CSMD3: variants seen among roughly 807,000 people sequenced by gnomAD.
The protein encoded by CSMD3 is CUB and sushi domain-containing protein 3.
Under a neutral mutation model 435.2 loss-of-function variants are expected in CSMD3, and 177 were observed. That is an observed-to-expected ratio of 0.41 (90% CI 0.36 to 0.46). CSMD3 has a LOEUF of 0.46. CSMD3 is among the 20% of genes least tolerant of loss of function. The pLI is 0.34. For missense variants in CSMD3, 4,265 were observed against 4,504.6 expected (o/e 0.95, Z 1.52); for synonymous variants, 1,656 against 1,520.5 (o/e 1.09, Z -2.07).
chr8:113,167,508 C>T (rs1426239033), intron 4 of CSMD3, among the ~76,000 whole-genome samples: 1 of 152,132 alleles, frequency 6.6e-6, no homozygotes, highest in Non-Finnish European at 1.5e-5. Context: ...ACTTTAGATA[C>T]TACTAAAACA....
intron 7 of CSMD3, among the ~76,000 whole-genome samples, chr8:112,959,028 A>G (rs1168060614): frequency 1.3e-5 from 2 of 152,242 alleles, no homozygotes; most frequent in African/African-American, 4.8e-5. Context: ...CCTGGCTTGA[A>G]GTTCCTCTAA....
chr8:112,268,947 G>C (rs913851928), intron 59 of CSMD3, among the ~76,000 whole-genome samples: 2 of 152,016 alleles, frequency 1.3e-5, no homozygotes, highest in African/African-American at 4.8e-5. Flanking sequence ...ACAATTCTTC[G>C]TTGTGAGGGG....
At chr8:113,317,959 T>A (rs966975939) in intron 1 of CSMD3, among the ~76,000 whole-genome samples, 4 of 152,206 alleles carry the variant, frequency 2.6e-5, no homozygotes, top group Middle Eastern at 6.3e-3. Flanking sequence ...GCCTATAGTA[T>A]AATTTATTTT....
intron 70 of CSMD3, 30 bp downstream of exon 70, chr8:112,228,726 C>T (rs570677446): frequency 1.3e-6 from 2 of 1,586,976 alleles, no homozygotes; most frequent in Admixed American, 1.7e-5. Flanking sequence ...ATTTGGGAAA[C>T]ATTTTGTAGT....
At chr8:112,864,900 A>T (rs930449408) in intron 10 of CSMD3, among the ~76,000 whole-genome samples, 1 of 152,172 alleles carries the variant, frequency 6.6e-6, no homozygotes, top group African/African-American at 2.4e-5. Flanking sequence ...GATATTTTAT[A>T]AAATATTTTG....
At chr8:113,419,413 CG>C (rs1251027794) in intron 1 of CSMD3, among the ~76,000 whole-genome samples, 4 of 151,912 alleles carry the variant, frequency 2.6e-5, no homozygotes, top group Non-Finnish European at 5.9e-5. Context: ...CCACTGTGCC[CG>C]GCCTACACTT....
At chr8:112,531,694 G>A (rs1012623018) in intron 27 of CSMD3, among the ~76,000 whole-genome samples, 7 of 152,018 alleles carry the variant, frequency 4.6e-5, no homozygotes, top group African/African-American at 7.2e-5. Flanking sequence ...TACAAGCTTG[G>A]GGAACTCAAT....
At chr8:113,199,211 A>G (rs918912213) in intron 3 of CSMD3, among the ~76,000 whole-genome samples, 2 of 151,420 alleles carry the variant, frequency 1.3e-5, no homozygotes, top group African/African-American at 2.4e-5. Context: ...AATGACTAAA[A>G]GACAGGAACT....
At chr8:112,270,396 G>A in intron 59 of CSMD3, among the ~76,000 whole-genome samples, 1 of 126,244 alleles carries the variant, frequency 7.9e-6, no homozygotes, top group African/African-American at 3.1e-5. Flanking sequence ...GTGTGTGTGT[G>A]TTACTGCTGG....
At chr8:112,661,562 T>C (rs963004120) in intron 17 of CSMD3, among the ~76,000 whole-genome samples, 1 of 152,178 alleles carries the variant, frequency 6.6e-6, no homozygotes, top group Non-Finnish European at 1.5e-5. Context: ...AGCTGAAAGA[T>C]ACTAGGTGTT....
intron 27 of CSMD3, among the ~76,000 whole-genome samples, chr8:112,537,987 T>C (rs1027827672): frequency 7.9e-5 from 12 of 152,004 alleles, no homozygotes; most frequent in Admixed American, 7.9e-4. Flanking sequence ...AAAAAGATCA[T>C]TTACTGTGAT....
intron 10 of CSMD3, among the ~76,000 whole-genome samples, chr8:112,865,625 C>G (rs535599800): frequency 3.2e-4 from 48 of 151,652 alleles, no homozygotes; most frequent in Middle Eastern, 3.2e-3. Context: ...GTATTCCATA[C>G]AAGGCCTATT....
chr8:112,579,864 A>G (rs1830216742), intron 23 of CSMD3, among the ~76,000 whole-genome samples: 1 of 152,060 alleles, frequency 6.6e-6, no homozygotes, highest in Non-Finnish European at 1.5e-5. Flanking sequence ...CCCAGTTTCA[A>G]AAGCAATTTT....
chr8:112,930,783 G>A (rs1176388391), intron 9 of CSMD3, among the ~76,000 whole-genome samples: 2 of 151,996 alleles, frequency 1.3e-5, no homozygotes, highest in Admixed American at 6.6e-5. Flanking sequence ...GATGTGCATA[G>A]CAACTACCTC....
intron 22 of CSMD3, among the ~76,000 whole-genome samples, chr8:112,619,643 G>C (rs1441124406): frequency 6.6e-6 from 1 of 151,740 alleles, no homozygotes; most frequent in Non-Finnish European, 1.5e-5. Context: ...CCATTATTTG[G>C]GCTGATCCAT....
At chr8:113,429,622 A>C (rs1433553020) in intron 1 of CSMD3, among the ~76,000 whole-genome samples, 2 of 152,072 alleles carry the variant, frequency 1.3e-5, no homozygotes, top group Non-Finnish European at 2.9e-5. Flanking sequence ...TCATTTTTAA[A>C]ATTTTACCAC....
chr8:112,630,174 A>G (rs2074474710), intron 22 of CSMD3, among the ~76,000 whole-genome samples: 1 of 152,142 alleles, frequency 6.6e-6, no homozygotes, highest in Non-Finnish European at 1.5e-5. Flanking sequence ...CTCTCAACCC[A>G]CAGAAACCAT....
chr8:112,974,581 T>C (rs1474398725), intron 7 of CSMD3, among the ~76,000 whole-genome samples: 1 of 151,866 alleles, frequency 6.6e-6, no homozygotes. Flanking sequence ...ACGGTCCCTA[T>C]ATTCTTATAA....
rs115135395 is a variant in CSMD3, at chr8:112,234,431, A to G, written c.10674T>C (p.Leu3558=). Residue 3558 remains leucine (L), a synonymous_variant, in exon 68 of 71, where the codon CTT becomes CTC. Coordinates refer to ENST00000297405, the MANE Select transcript of CSMD3 (RefSeq NM_198123.2). ...QEARLMLRIY[L]IKVPAHASVK... is the part of the protein sequence containing the mutation. ...CAGAAGCATGAGCAGGTACTTTAAT[A>G]AGATATATGCGTAACATTAGGCGAG... is the stretch of plus-strand genomic sequence containing the variant. 1,104 of 1,613,422 alleles carry G rather than the reference A, an allele frequency of 6.8e-4. 5 individuals are homozygous for G. The African/African-American group carries it at 0.013, about 19-fold the overall frequency.
Sources: gnomAD v4.1 joint callset for allele counts (sites outside exome capture counted in the v4.1 genomes callset) on GRCh38, gnomAD v4.1.1 for gene constraint, MANE v1.5 for transcripts, NCBI Gene and HGNC (gene_info 2026-07-23, HGNC 2026-07-21) for gene names.